TUSC3: variants seen among roughly 807,000 people sequenced by gnomAD.
The protein encoded by TUSC3 is tumor suppressor candidate 3, also known as dolichyl-diphosphooligosaccharide--protein glycosyltransferase subunit TUSC3.
A neutral mutation model predicts 44.8 loss-of-function variants in TUSC3; 45 were observed. The observed-to-expected ratio is 1.00, with a 90% CI of 0.79 to 1.29. The LOEUF is 1.29. Among genes scored for constraint, TUSC3 ranks in the 50% most tolerant of loss-of-function variants. The probability of loss-of-function intolerance (pLI) is 0.00; values close to 1 mark genes in which losing one functional copy is unlikely to be tolerated. For missense variants in TUSC3, 519 were observed against 437.9 expected (o/e 1.19, Z -1.65); for synonymous variants, 212 against 152.9 (o/e 1.39, Z -2.85).
chr8:15,628,725 C>A (rs1805628172), intron 2 of TUSC3, among the ~76,000 whole-genome samples: 1 of 152,140 alleles, frequency 6.6e-6, no homozygotes, highest in South Asian at 2.1e-4. Flanking sequence ...CATTGAGATA[C>A]CGTTTTTGAA....
chr8:15,851,062 A>G, the TUSC3 span, among the ~76,000 whole-genome samples: 4 of 152,198 alleles, frequency 2.6e-5, no homozygotes, highest in African/African-American at 9.7e-5. Context: ...AACGTGTCTA[A>G]GTCAATGGAC....
chr8:15,696,897 A>G (rs976436956), intron 6 of TUSC3, among the ~76,000 whole-genome samples: 1 of 152,098 alleles, frequency 6.6e-6, no homozygotes, highest in Non-Finnish European at 1.5e-5. Flanking sequence ...GTCTGGTAGA[A>G]TTCTGCTGTG....
chr8:15,454,304 C>A (rs976743363), intron 1 of TUSC3, among the ~76,000 whole-genome samples: 1 of 152,164 alleles, frequency 6.6e-6, no homozygotes, highest in African/African-American at 2.4e-5. Flanking sequence ...AACTTTCACT[C>A]CTACTGTAAA....
the TUSC3 span, among the ~76,000 whole-genome samples, chr8:15,811,708 T>C: frequency 1.3e-5 from 2 of 152,246 alleles, no homozygotes; most frequent in African/African-American, 2.4e-5. Flanking sequence ...AGGAAGTGAA[T>C]AGGTGGCAGG....
the TUSC3 span, among the ~76,000 whole-genome samples, chr8:15,789,133 G>A: frequency 5.3e-5 from 8 of 152,272 alleles, no homozygotes; most frequent in East Asian, 1.4e-3. Context: ...CATTTTCCCA[G>A]AGTGTTAGGT....
At chr8:15,751,396 G>A (rs2129219697) in intron 9 of TUSC3, among the ~76,000 whole-genome samples, 1 of 152,226 alleles carries the variant, frequency 6.6e-6, no homozygotes, top group Non-Finnish European at 1.5e-5. Context: ...TATTATTACT[G>A]AGTAATGTCT....
the TUSC3 span, among the ~76,000 whole-genome samples, chr8:15,835,400 T>C: frequency 6.6e-6 from 1 of 152,136 alleles, no homozygotes; most frequent in South Asian, 2.1e-4. Flanking sequence ...AATTGGAATA[T>C]ATCATTAGTT....
At chr8:15,549,331 A>T (rs187099048) in intron 1 of TUSC3, among the ~76,000 whole-genome samples, 1 of 151,452 alleles carries the variant, frequency 6.6e-6, no homozygotes, top group Non-Finnish European at 1.5e-5. Flanking sequence ...ACGCCACCAC[A>T]TCTGGCTGAT....
chr8:15,453,886 A>G (rs1251810558), intron 1 of TUSC3, among the ~76,000 whole-genome samples: 2 of 152,166 alleles, frequency 1.3e-5, no homozygotes, highest in South Asian at 2.1e-4. Flanking sequence ...CTATAGATAG[A>G]AACACCTGAA....
At chr8:15,608,002 G>A (rs185211024) in intron 1 of TUSC3, among the ~76,000 whole-genome samples, 3 of 152,194 alleles carry the variant, frequency 2.0e-5, no homozygotes, top group Admixed American at 6.5e-5. Flanking sequence ...AGCAAGTGCA[G>A]TTTGGGGTTT....
intron 1 of TUSC3, among the ~76,000 whole-genome samples, chr8:15,429,096 G>A (rs1799840745): frequency 6.6e-6 from 1 of 152,066 alleles, no homozygotes; most frequent in Admixed American, 6.6e-5. Context: ...GGTTTTTATG[G>A]CTTTAGGTCT....
In TUSC3 at chr8:15,573,256, C is replaced by G. The variant is rs531131414; in HGVS notation, c.138+32688C>G. On this transcript the variant is annotated intron_variant, in intron 1 of 10. Coordinates refer to ENST00000503731, the MANE Select transcript of TUSC3 (RefSeq NM_006765.4). ...AAAGTTTTTTTTTTTTTGGGCATAC[C>G]ATCAAGTCACTCCTGGGAGGCCTAG... 8.0e-3 allele frequency among the ~76,000 whole-genome samples: 1,048 copies of G among 130,370 alleles called. 9 individuals carry two copies. Among genetic ancestry groups the G allele is most frequent in the Middle Eastern group, 0.014 (3 of 216 alleles). The allele number at this position is 130,370 out of a possible 152,430, so 85.5% of individuals were successfully genotyped here.
At chr8:15,711,499 T>C (rs1262587699) in intron 6 of TUSC3, among the ~76,000 whole-genome samples, 2 of 149,320 alleles carry the variant, frequency 1.3e-5, no homozygotes, top group African/African-American at 4.9e-5. Context: ...TGTGTGTATT[T>C]AATATGTGTG....
At position 15,449,067 on chromosome 8, in the gene TUSC3, G is replaced by A. The variant is rs186083618; in HGVS notation, n.91+31762G>A. ...ATGAGGACATCTATAAATTTAGAAA[G>A]GAGAGCTTTATTTCTCATAAAGCGT... On this transcript the variant is annotated intron_variant and non_coding_transcript_variant, in intron 1 of 5. Transcript: ENST00000503191. Among the ~76,000 whole-genome samples the A allele has an allele frequency of 2.9e-3, 435 of 152,238 alleles. 2 individuals are homozygous for A. Among genetic ancestry groups the A allele is most frequent in the African/African-American group, 9.5e-3 (395 of 41,548 alleles).
intron 1 of TUSC3, among the ~76,000 whole-genome samples, chr8:15,477,510 C>T (rs911648765): frequency 1.5e-4 from 23 of 152,100 alleles, no homozygotes; most frequent in African/African-American, 4.8e-4. Flanking sequence ...ATCACGAGGT[C>T]AGGAGATTGA....
intron 1 of TUSC3, among the ~76,000 whole-genome samples, chr8:15,621,078 A>G (rs1398895807): frequency 6.6e-6 from 1 of 151,934 alleles, no homozygotes; most frequent in Non-Finnish European, 1.5e-5. Context: ...TTCTTAGACC[A>G]GTTCTCTTCT....
intron 2 of TUSC3, among the ~76,000 whole-genome samples, chr8:15,496,515 C>G (rs1487754180): frequency 6.6e-6 from 1 of 152,178 alleles, no homozygotes; most frequent in Non-Finnish European, 1.5e-5. Flanking sequence ...TGTATGCTGT[C>G]CTAGCTTCTG....
upstream of TUSC3, among the ~76,000 whole-genome samples, chr8:15,537,438 C>A (rs1801540231): frequency 6.6e-6 from 1 of 152,190 alleles, no homozygotes; most frequent in Admixed American, 6.5e-5. Flanking sequence ...ACCTCGGGCA[C>A]ATGTTCTCAG....
At chr8:15,444,291 G>GGAGAC (rs1800062191) in intron 1 of TUSC3, among the ~76,000 whole-genome samples, 1 of 152,080 alleles carries the variant, frequency 6.6e-6, no homozygotes, top group Non-Finnish European at 1.5e-5. Flanking sequence ...CTCTATTCAA[G>GGAGAC]GAGACGGTCA....
Sources: gnomAD v4.1 joint callset for allele counts (sites outside exome capture counted in the v4.1 genomes callset) on GRCh38, gnomAD v4.1.1 for gene constraint, MANE v1.5 for transcripts, NCBI Gene and HGNC (gene_info 2026-07-23, HGNC 2026-07-21) for gene names.